ROCK1: variants seen among roughly 807,000 people sequenced by gnomAD.
ROCK1 encodes the protein rho-associated protein kinase 1.
A neutral mutation model predicts 196.8 loss-of-function variants in ROCK1; 36 were observed. That is an observed-to-expected ratio of 0.18 (90% CI 0.14 to 0.24). The LOEUF (loss-of-function observed/expected upper bound fraction) is 0.24, where lower values mean the gene tolerates loss of function less well. Among genes scored for constraint, ROCK1 ranks in the 10% least tolerant of loss-of-function variants. The probability of loss-of-function intolerance (pLI) is 1.00; values close to 1 mark genes in which losing one functional copy is unlikely to be tolerated. For synonymous variants in ROCK1, 443 were observed against 515.9 expected, an observed-to-expected ratio of 0.86 and a Z score of 1.91; for missense variants, 920 against 1,562.0, an observed-to-expected ratio of 0.59 and a Z score of 6.93.
intron 2 of ROCK1, among the ~76,000 whole-genome samples, chr18:21,053,638 C>A (rs540457851): frequency 2.0e-5 from 3 of 152,204 alleles, no homozygotes; most frequent in Admixed American, 6.5e-5. Flanking sequence ...GAGTTTGAAA[C>A]CAGCCTGGAC....
chr18:20,986,644 T>C (rs2035580596), intron 19 of ROCK1, among the ~76,000 whole-genome samples: 1 of 152,212 alleles, frequency 6.6e-6, no homozygotes, highest in Non-Finnish European at 1.5e-5. Context: ...AGATGCATTA[T>C]AATAAAGACT....
In ROCK1 at chr18:21,045,372, C is replaced by T. The variant is rs1392113494; in HGVS notation, c.510G>A (p.Val170=). 1.2e-6 allele frequency: 2 copies of T among 1,613,770 alleles called. No homozygotes were observed. Among genetic ancestry groups the T allele is most frequent in the East Asian group, 2.2e-5 (1 of 44,858 alleles). The change falls in exon 5 of 33, where the codon GTG becomes GTA. Residue 170 remains valine, a synonymous_variant. Coordinates refer to ENST00000399799, the MANE Select transcript of ROCK1 (RefSeq NM_005406.3). ...TATAGAATCGTGCCCATTTTTCAGG[C>T]ACATCATAGTTGCTCATTAAGTTTA... The part of the protein sequence containing the change: ...DLVNLMSNYD[V]PEKWARFYTA...
At chr18:21,042,072 C>T (rs748637398) in intron 8 of ROCK1, 25 bp downstream of exon 8, 4 of 1,590,292 alleles carry the variant, frequency 2.5e-6, no homozygotes, top group Admixed American at 1.9e-5. Flanking sequence ...AGAATTAATA[C>T]AGGCTCAGTT....
At chr18:20,993,588 A>G (rs2035645545) in intron 16 of ROCK1, among the ~76,000 whole-genome samples, 2 of 152,212 alleles carry the variant, frequency 1.3e-5, no homozygotes, top group African/African-American at 4.8e-5. Context: ...CAGACACTGC[A>G]AAGTGTTTAA....
At chr18:20,967,261 A>G (rs938156677) in intron 26 of ROCK1, among the ~76,000 whole-genome samples, 185 bp from the exon 27 acceptor site, 1 of 152,228 alleles carries the variant, frequency 6.6e-6, no homozygotes, top group Non-Finnish European at 1.5e-5. Flanking sequence ...CAATGCTCGG[A>G]CAAATTCCTT....
chr18:20,977,480 G>A (rs1346818419), intron 22 of ROCK1, among the ~76,000 whole-genome samples: 1 of 151,500 alleles, frequency 6.6e-6, no homozygotes, highest in African/African-American at 2.4e-5. Flanking sequence ...ATCTCTGTTA[G>A]GAAATGTTCT....
intron 16 of ROCK1, among the ~76,000 whole-genome samples, chr18:21,005,477 A>G (rs2035760456): frequency 6.6e-6 from 1 of 152,222 alleles, no homozygotes; most frequent in African/African-American, 2.4e-5. Flanking sequence ...GTTTTTGGTT[A>G]ATTTGTCTGT....
intron 11 of ROCK1, among the ~76,000 whole-genome samples, chr18:21,023,224 A>C (rs767099921): frequency 2.6e-5 from 4 of 152,182 alleles, no homozygotes; most frequent in Non-Finnish European, 5.9e-5. Flanking sequence ...TGCACACTTA[A>C]AAATGATTAA....
chr18:20,973,553 G>A (rs536652787), intron 22 of ROCK1, among the ~76,000 whole-genome samples: 1 of 151,906 alleles, frequency 6.6e-6, no homozygotes, highest in African/African-American at 2.4e-5. Context: ...CTGGGATTAC[G>A]GGCATGAGTC....
intron 22 of ROCK1, among the ~76,000 whole-genome samples, chr18:20,979,108 C>T (rs1462169086): frequency 6.6e-6 from 1 of 151,960 alleles, no homozygotes; most frequent in Admixed American, 6.6e-5. Flanking sequence ...AAGGTTTTCT[C>T]CTTGGAGATG....
At position 21,049,824 on chromosome 18, in the gene ROCK1, C is replaced by T; in HGVS notation, c.232G>A (p.Val78Ile). Reference protein sequence around the residue: ...DLRMKAEDYEVVKVIGRGAFG... With the variant: ...DLRMKAEDYEIVKVIGRGAFG... The stretch of plus-strand genomic sequence containing the variant: ...GCACCTCTACCAATCACCTTCACTA[C>T]TTCATAATCTTCAGCTTTCATTCGT... The change falls in exon 3 of 33, where the codon GTA (valine) becomes ATA (isoleucine). Residue 78 changes from valine to isoleucine, a missense_variant. Val to Ile is a conservative substitution (Grantham distance 29). Around this residue, in one of 6 missense-constraint regions of ROCK1, gnomAD observed 234 missense variants for 460.7 expected, o/e 0.51. Coordinates refer to ENST00000399799, the MANE Select transcript of ROCK1 (RefSeq NM_005406.3). 6.2e-7 allele frequency: 1 copy of T among 1,608,696 alleles called. No homozygotes were observed. The highest frequency in any genetic ancestry group is 8.5e-7 in the Non-Finnish European group (1 of 1,177,160).
intron 27 of ROCK1, among the ~76,000 whole-genome samples, chr18:20,962,385 T>G (rs2035335654): frequency 6.6e-6 from 1 of 152,206 alleles, no homozygotes; most frequent in African/African-American, 2.4e-5. Flanking sequence ...CAAAGTTGTT[T>G]AGTATTAGTA....
In ROCK1 at chr18:21,049,784, T is replaced by C; in HGVS notation, c.272A>G (p.Gln91Arg). The C allele has an allele frequency of 6.4e-7, 1 of 1,572,390 alleles. No homozygotes were observed. Among genetic ancestry groups the C allele is most frequent in the Non-Finnish European group, 8.7e-7 (1 of 1,147,820 alleles). Reference protein sequence around the residue: ...VIGRGAFGEVQLVRHKSTRKV... With the variant: ...VIGRGAFGEVRLVRHKSTRKV... ...ATTCTCATTAAAATAACCTACCAATTGAACTTCTCCAAATGCACCTCTACC... is the reference window on the plus strand; with the variant it reads ...ATTCTCATTAAAATAACCTACCAATCGAACTTCTCCAAATGCACCTCTACC... The change falls in exon 3 of 33, where the codon CAA becomes CGA. Residue 91 changes from glutamine to arginine, a missense_variant. Transcript: ENST00000399799.
intron 1 of ROCK1, among the ~76,000 whole-genome samples, chr18:21,093,890 A>C (rs2036591169): frequency 6.6e-6 from 1 of 151,238 alleles, no homozygotes; most frequent in Non-Finnish European, 1.5e-5. Flanking sequence ...TGGGAGGTGG[A>C]GGTTGCAGTG....
intron 13 of ROCK1, among the ~76,000 whole-genome samples, chr18:21,014,209 C>G (rs2035843890): frequency 6.6e-6 from 1 of 151,882 alleles, no homozygotes; most frequent in African/African-American, 2.4e-5. Flanking sequence ...TTTTTTGGAG[C>G]TTTGTCTGCA....
At chr18:20,986,858 T>G in intron 19 of ROCK1, 92 bp downstream of exon 19, 2 of 1,125,274 alleles carry the variant, frequency 1.8e-6, no homozygotes, top group Non-Finnish European at 2.5e-6. Context: ...CAAATCTCCT[T>G]CATGGTGTTT....
At chr18:21,009,873 G>A (rs981440579) in intron 13 of ROCK1, among the ~76,000 whole-genome samples, 2 of 152,050 alleles carry the variant, frequency 1.3e-5, no homozygotes, top group Admixed American at 6.6e-5. Context: ...GTATGGATTC[G>A]CTTTCCTTAA....
intron 22 of ROCK1, among the ~76,000 whole-genome samples, chr18:20,977,081 C>A (rs193112568): frequency 1.3e-5 from 2 of 152,288 alleles, no homozygotes; most frequent in Admixed American, 1.3e-4. Context: ...AATTGGGCTC[C>A]CTGCATCCAC....
chr18:21,002,611 T>C (rs1305109269), intron 16 of ROCK1, among the ~76,000 whole-genome samples: 1 of 152,058 alleles, frequency 6.6e-6, no homozygotes, highest in Non-Finnish European at 1.5e-5. Flanking sequence ...AATTAACAAA[T>C]GAAGGAAGAT....
Sources: allele counts gnomAD v4.1 joint callset (sites outside exome capture counted in the v4.1 genomes callset), GRCh38; gene constraint gnomAD v4.1.1; regional missense constraint gnomAD v4.1.1; transcripts MANE v1.5; gene names NCBI Gene and HGNC (gene_info 2026-07-23, HGNC 2026-07-21).